SLC25A12: variants seen among roughly 807,000 people sequenced by gnomAD.
The protein encoded by SLC25A12 is solute carrier family 25 member 12.
Under a neutral mutation model 83.3 loss-of-function variants are expected in SLC25A12, and 32 were observed. The ratio of observed to expected loss-of-function variants is 0.38; its 90% CI spans 0.29 to 0.52. The LOEUF (loss-of-function observed/expected upper bound fraction) is 0.52. Ranked by LOEUF, SLC25A12 falls within the 20% of genes least tolerant of loss-of-function variation. SLC25A12 has a pLI of 0.84. For missense variants in SLC25A12, 611 were observed against 835.6 expected, an observed-to-expected ratio of 0.73 and a Z score of 3.31; for synonymous variants, 267 against 291.1, an observed-to-expected ratio of 0.92 and a Z score of 0.84.
At chr2:171,830,365 T>C (rs945794862) in intron 8 of SLC25A12, among the ~76,000 whole-genome samples, 8 of 152,244 alleles carry the variant, frequency 5.3e-5, no homozygotes, top group African/African-American at 1.9e-4. Context: ...AGATAGCTTA[T>C]TTTGAAGAGA....
At position 171,841,264 on chromosome 2, in the gene SLC25A12, G is replaced by C. The variant is rs547656149; in HGVS notation, c.465+3105C>G. On this transcript the variant is annotated intron_variant, in intron 5 of 17. Coordinates refer to ENST00000422440, the MANE Select transcript of SLC25A12 (RefSeq NM_003705.5). Reference sequence around the variant, plus strand: ...CTGGCTAATTTTTGCACTTTTAGTAGAGACAGGGTTTCACCATGTTGGCCA... The same window carrying C: ...CTGGCTAATTTTTGCACTTTTAGTACAGACAGGGTTTCACCATGTTGGCCA... Among the ~76,000 whole-genome samples, 5 of 151,880 alleles carry C rather than the reference G, an allele frequency of 3.3e-5. No homozygotes were observed. The South Asian group carries it at 8.3e-4, about 25-fold the overall frequency.
intron 5 of SLC25A12, among the ~76,000 whole-genome samples, chr2:171,842,286 A>C (rs1573975306): frequency 6.6e-6 from 1 of 151,820 alleles, no homozygotes; most frequent in African/African-American, 2.4e-5. Context: ...AAAAAAAAAA[A>C]CAGATGCAAA....
At chr2:171,888,124 T>C (rs1685860870) in intron 2 of SLC25A12, among the ~76,000 whole-genome samples, 1 of 150,570 alleles carries the variant, frequency 6.6e-6, no homozygotes, top group Non-Finnish European at 1.5e-5. Flanking sequence ...AGACAAAGTC[T>C]TGTTCTGTCA....
At chr2:171,840,357 G>A (rs1168343016) in intron 5 of SLC25A12, among the ~76,000 whole-genome samples, 2 of 151,758 alleles carry the variant, frequency 1.3e-5, no homozygotes, top group Non-Finnish European at 2.9e-5. Flanking sequence ...CTGCACTCCA[G>A]CCTGGGGGAC....
Position 171,855,823 on chromosome 2 carries a change from T to G in SLC25A12, c.325+11A>C. The G allele has an allele frequency of 6.7e-7, 1 of 1,484,986 alleles. No individual in the cohort carries two copies. Among genetic ancestry groups the G allele is most frequent in the Non-Finnish European group, 9.4e-7 (1 of 1,062,416 alleles). 92.0% of individuals were successfully genotyped at this position (1,484,986 alleles called of 1,614,324 possible). ...ATTAACTTATCACTTATAATCTTCT[T>G]TTTCCCTTACCAAATGTCACCTCTC... is the stretch of plus-strand genomic sequence containing the variant. On this transcript the variant is annotated intron_variant, in intron 4 of 17. Coordinates refer to ENST00000422440, the MANE Select transcript of SLC25A12 (RefSeq NM_003705.5).
chr2:171,820,064 G>GT (rs974311648), intron 9 of SLC25A12, among the ~76,000 whole-genome samples: 6 of 152,096 alleles, frequency 3.9e-5, no homozygotes, highest in African/African-American at 1.4e-4. Flanking sequence ...GGACACTGGG[G>GT]TCTACTTGAG....
chr2:171,809,558 G>C, intron 13 of SLC25A12, 48 bp downstream of exon 13: 1 of 1,397,704 alleles, frequency 7.2e-7, no homozygotes, highest in East Asian at 2.3e-5. Flanking sequence ...GTGCAAAAAG[G>C]TCAACGGAAT....
At chr2:171,847,404 G>A (rs1473236846) in intron 4 of SLC25A12, among the ~76,000 whole-genome samples, 1 of 152,194 alleles carries the variant, frequency 6.6e-6, no homozygotes, top group South Asian at 2.1e-4. Context: ...GCTTATGCTT[G>A]TATGAGGTAA....
At chr2:171,820,536 G>A (rs1408197992) in intron 9 of SLC25A12, among the ~76,000 whole-genome samples, 3 of 143,010 alleles carry the variant, frequency 2.1e-5, no homozygotes, top group Non-Finnish European at 4.6e-5. Context: ...AGACCATGCC[G>A]GCTAAAACGG....
At chr2:171,793,279 G>A (rs955802230) in intron 14 of SLC25A12, among the ~76,000 whole-genome samples, 1 of 152,070 alleles carries the variant, frequency 6.6e-6, no homozygotes, top group Non-Finnish European at 1.5e-5. Context: ...TAATCAGACC[G>A]AAAATAAACA....
chr2:171,846,572 C>G (rs1233940214), intron 4 of SLC25A12, among the ~76,000 whole-genome samples: 2 of 152,076 alleles, frequency 1.3e-5, no homozygotes, highest in Non-Finnish European at 1.5e-5. Context: ...CTTTGGGAGG[C>G]CAAGGCAGGC....
intron 4 of SLC25A12, among the ~76,000 whole-genome samples, chr2:171,847,139 G>A (rs948600037): frequency 1.3e-5 from 2 of 152,026 alleles, no homozygotes; most frequent in African/African-American, 4.8e-5. Flanking sequence ...GACACTTTTA[G>A]GGTTTTTTTA....
At chr2:171,829,732 A>C (rs1406323424) in intron 8 of SLC25A12, among the ~76,000 whole-genome samples, 1 of 152,218 alleles carries the variant, frequency 6.6e-6, no homozygotes, top group East Asian at 1.9e-4. Context: ...TTAGCCTTTC[A>C]TCTCTCATAG....
At position 171,789,450 on chromosome 2, in the gene SLC25A12, G is replaced by A. The variant is rs192680781; in HGVS notation, c.1586-1503C>T. Among the ~76,000 whole-genome samples the A allele has an allele frequency of 8.1e-3, 1,237 of 152,110 alleles. 14 individuals are homozygous for A. The highest frequency in any genetic ancestry group is 0.027 in the African/African-American group (1,138 of 41,514). On this transcript the variant is annotated intron_variant, in intron 15 of 17. Transcript: ENST00000422440. ...TCACCGTGTTAGCCAGGATGGTCTC[G>A]ATCTCCTGACCTCGTGATCTGCCCG...
intron 9 of SLC25A12, among the ~76,000 whole-genome samples, chr2:171,819,264 C>A (rs1684124636): frequency 8.5e-6 from 1 of 118,130 alleles, no homozygotes; most frequent in African/African-American, 3.4e-5. Flanking sequence ...ATAATGTATA[C>A]ATTATATATT....
chr2:171,837,545 G>A (rs1684585114), intron 5 of SLC25A12, among the ~76,000 whole-genome samples: 1 of 152,152 alleles, frequency 6.6e-6, no homozygotes. Context: ...TACTTGACAA[G>A]TTTTCATTAC....
At chr2:171,807,964 A>T (rs1683871259) in intron 13 of SLC25A12, among the ~76,000 whole-genome samples, 1 of 151,986 alleles carries the variant, frequency 6.6e-6, no homozygotes, top group Non-Finnish European at 1.5e-5. Context: ...TCTCTCTCTG[A>T]CCCCCGAGGC....
intron 2 of SLC25A12, among the ~76,000 whole-genome samples, chr2:171,875,504 G>A (rs1038837441): frequency 1.3e-5 from 2 of 152,122 alleles, no homozygotes; most frequent in East Asian, 1.9e-4. Context: ...AGAGCGGGGA[G>A]AGAGAGAAAG....
chr2:171,818,237 A>G (rs1422645060), intron 9 of SLC25A12, among the ~76,000 whole-genome samples: 1 of 152,132 alleles, frequency 6.6e-6, no homozygotes, highest in East Asian at 1.9e-4. Context: ...AGCACTAAGA[A>G]GATTGCCTGC....
Sources: gnomAD v4.1 joint callset for allele counts (sites outside exome capture counted in the v4.1 genomes callset) on GRCh38, gnomAD v4.1.1 for gene constraint, MANE v1.5 for transcripts, NCBI Gene and HGNC (gene_info 2026-07-23, HGNC 2026-07-21) for gene names.